Variants in MARK3 observed in about 807,000 individuals in gnomAD.
MARK3 encodes the protein MAP/microtubule affinity-regulating kinase 3.
In MARK3, 46 loss-of-function variants were observed where a neutral mutation model predicts 90.1. That is an observed-to-expected ratio of 0.51 (90% CI 0.40 to 0.65). The LOEUF (loss-of-function observed/expected upper bound fraction) is 0.65, where lower values mean the gene tolerates loss of function less well. Ranked by LOEUF, MARK3 falls within the 30% of genes least tolerant of loss-of-function variation. The pLI, the probability that MARK3 is intolerant of heterozygous loss-of-function variation, is 0.00. For missense variants in MARK3, 818 were observed against 947.2 expected (o/e 0.86, Z 1.79); for synonymous variants, 321 against 332.6 (o/e 0.97, Z 0.38).
chr14:103,455,725 CAAAAAAA>C (rs57129835), intron 5 of MARK3, among the ~76,000 whole-genome samples: 1 of 84,050 alleles, frequency 1.2e-5, no homozygotes, highest in Non-Finnish European at 2.2e-5. Flanking sequence ...AACTCTGTCT[CAAAAAAA>C]AAAAAAAAAA....
At chr14:103,460,365 G>C (rs980167019) in intron 6 of MARK3, among the ~76,000 whole-genome samples, 1 of 152,066 alleles carries the variant, frequency 6.6e-6, no homozygotes, top group African/African-American at 2.4e-5. Context: ...GATTACAGGC[G>C]TGAGCCACGC....
intron 3 of MARK3, among the ~76,000 whole-genome samples, chr14:103,441,066 TTTTG>T (rs1380333620): frequency 1.3e-5 from 2 of 152,162 alleles, no homozygotes; most frequent in Non-Finnish European, 2.9e-5. Context: ...CGTATTCATC[TTTTG>T]TTTAATTTCT....
At chr14:103,424,654 G>C (rs1206126311) in intron 2 of MARK3, among the ~76,000 whole-genome samples, 5 of 152,160 alleles carry the variant, frequency 3.3e-5, no homozygotes, top group Non-Finnish European at 7.3e-5. Context: ...GAGAGAAGAA[G>C]AACTGGAAAG....
At chr14:103,458,718 C>T in intron 6 of MARK3, 1 of 705,134 alleles carries the variant, frequency 1.4e-6, no homozygotes, top group Non-Finnish European at 2.6e-6. Context: ...TTGTTTTATT[C>T]ATATACAGGG....
intron 4 of MARK3, among the ~76,000 whole-genome samples, chr14:103,450,184 G>A (rs2141317784): frequency 6.6e-6 from 1 of 152,092 alleles, no homozygotes; most frequent in East Asian, 1.9e-4. Flanking sequence ...AAGTATGGTT[G>A]AAGAAAAAAC....
At chr14:103,447,047 C>T (rs2093015011) in intron 3 of MARK3, among the ~76,000 whole-genome samples, 1 of 152,144 alleles carries the variant, frequency 6.6e-6, no homozygotes, top group African/African-American at 2.4e-5. Flanking sequence ...GATAAAAATG[C>T]TCCTCCCTTC....
At chr14:103,386,150 C>A in intron 1 of MARK3, 70 bp downstream of exon 1, 1 of 1,421,028 alleles carries the variant, frequency 7.0e-7, no homozygotes, top group South Asian at 1.1e-5. Flanking sequence ...CAGTGCCTTG[C>A]AGTCGGGTGT....
At chr14:103,402,546 C>CA (rs11445712) in intron 1 of MARK3, among the ~76,000 whole-genome samples, 52,288 of 146,534 alleles carry the variant, frequency 0.36, 9,704 homozygotes, top group East Asian at 0.52. Flanking sequence ...GACTCCATCT[C>CA]AAAAAAAAAA....
chr14:103,463,657 A>G (rs1305587073), intron 7 of MARK3, among the ~76,000 whole-genome samples: 2 of 152,078 alleles, frequency 1.3e-5, no homozygotes. Context: ...GACCACCATT[A>G]TCTCATAGGT....
At chr14:103,468,513 C>T (rs977624986) in intron 12 of MARK3, among the ~76,000 whole-genome samples, 24 of 151,380 alleles carry the variant, frequency 1.6e-4, no homozygotes, top group Non-Finnish European at 2.9e-4. Context: ...TTAGTAGAGA[C>T]GGGGTTTCAC....
chr14:103,432,459 G>A lies in MARK3; in HGVS notation c.297+4019G>A, dbSNP rs183549875. On this transcript the variant is annotated intron_variant, in intron 3 of 17. Coordinates refer to ENST00000429436, the MANE Select transcript of MARK3 (RefSeq NM_001128918.3). ...CTCCCTTCCTTCCACTGGCCTTATC[G>A]TGATTGTAAAATAGGGCAACACTAC... is the stretch of plus-strand genomic sequence containing the variant. Among the ~76,000 whole-genome samples the A allele has an allele frequency of 7.0e-4, 107 of 152,126 alleles. 1 individual carries two copies. The East Asian group carries it at 0.015, about 22-fold the overall frequency.
chr14:103,482,848 A>G (rs963377781), intron 14 of MARK3, among the ~76,000 whole-genome samples: 3 of 151,976 alleles, frequency 2.0e-5, no homozygotes, highest in African/African-American at 7.3e-5. Context: ...GTTGGGGCCA[A>G]CTCTTTCATA....
intron 7 of MARK3, among the ~76,000 whole-genome samples, chr14:103,462,693 AAC>A (rs2141520353): frequency 6.6e-6 from 1 of 152,232 alleles, no homozygotes; most frequent in East Asian, 1.9e-4. Context: ...ATCTCTGGAG[AAC>A]AGTCATCACA....
chr14:103,418,080 A>G (rs1363485545), intron 2 of MARK3, among the ~76,000 whole-genome samples: 1 of 152,094 alleles, frequency 6.6e-6, no homozygotes, highest in African/African-American at 2.4e-5. Flanking sequence ...AAAGAAAGAA[A>G]GCTGTGTGTG....
chr14:103,387,839 A>G (rs751222384), intron 1 of MARK3, among the ~76,000 whole-genome samples: 2 of 152,196 alleles, frequency 1.3e-5, no homozygotes, highest in Non-Finnish European at 2.9e-5. Context: ...AAAACCTTAC[A>G]TTGAACCAGA....
rs1273780129 is a variant in MARK3, at chr14:103,480,383, A to C, written c.1483-4A>C. The C allele has an allele frequency of 1.3e-6, 2 of 1,592,710 alleles. No homozygotes were observed. Among genetic ancestry groups the C allele is most frequent in the African/African-American group, 1.3e-5 (1 of 74,290 alleles). ...ATTTAAGACAAAAATGCCCTTTTTT[A>C]TAGAGTAACACAGCATCTGGTGGAA... On this transcript the variant is annotated splice_region_variant and splice_polypyrimidine_tract_variant and intron_variant, in intron 13 of 17. Transcript: ENST00000429436.
intron 3 of MARK3, among the ~76,000 whole-genome samples, chr14:103,444,228 T>A (rs1456683769): frequency 2.0e-5 from 3 of 152,052 alleles, no homozygotes; most frequent in African/African-American, 7.2e-5. Context: ...TCTTTACTTC[T>A]CTGATACCGT....
At chr14:103,394,664 C>G (rs2090467237) in intron 1 of MARK3, among the ~76,000 whole-genome samples, 1 of 152,074 alleles carries the variant, frequency 6.6e-6, no homozygotes, top group Non-Finnish European at 1.5e-5. Context: ...TTTGTTGGAC[C>G]TAAATATTGT....
intron 14 of MARK3, among the ~76,000 whole-genome samples, chr14:103,487,201 G>C (rs953114049): frequency 6.0e-5 from 9 of 149,904 alleles, no homozygotes; most frequent in Non-Finnish European, 3.0e-5. Context: ...ACAGGCGTGG[G>C]CCACCACGCC....
Sources: gnomAD v4.1 joint callset for allele counts (sites outside exome capture counted in the v4.1 genomes callset) on GRCh38, gnomAD v4.1.1 for gene constraint, MANE v1.5 for transcripts, NCBI Gene and HGNC (gene_info 2026-07-23, HGNC 2026-07-21) for gene names.